Variants in LTBP1 observed in about 807,000 individuals in gnomAD.
LTBP1 encodes latent transforming growth factor beta binding protein 1.
A neutral mutation model predicts 207.6 loss-of-function variants in LTBP1; 129 were observed. The ratio of observed to expected loss-of-function variants is 0.62; its 90% confidence interval spans 0.54 to 0.72. The LOEUF is 0.72. Ranked by LOEUF, LTBP1 falls within the 30% of genes least tolerant of loss-of-function variation. The pLI, the probability that LTBP1 is intolerant of heterozygous loss-of-function variation, is 0.00. For synonymous variants in LTBP1, 963 were observed against 833.7 expected, an observed-to-expected ratio of 1.16 and a Z score of -2.67; for missense variants, 2,281 against 2,217.2, an observed-to-expected ratio of 1.03 and a Z score of -0.58.
At chr2:33,017,770 G>C (rs113448136) in intron 2 of LTBP1, among the ~76,000 whole-genome samples, 7,874 of 152,164 alleles carry the variant, frequency 0.052, 266 homozygotes, top group Non-Finnish European at 0.067. Flanking sequence ...GCACCCACCA[G>C]TACGCCTGGC....
intron 3 of LTBP1, among the ~76,000 whole-genome samples, chr2:33,104,116 T>A (rs2079917093): frequency 6.6e-6 from 1 of 152,224 alleles, no homozygotes; most frequent in East Asian, 1.9e-4. Context: ...TCTCTGCAGG[T>A]CAAATAATGG....
At chr2:33,296,371 T>A (rs2093874872) in intron 20 of LTBP1, among the ~76,000 whole-genome samples, 1 of 152,078 alleles carries the variant, frequency 6.6e-6, no homozygotes, top group East Asian at 1.9e-4. Context: ...CCTGTGAAGA[T>A]TCTTCACAGG....
At chr2:33,093,724 C>T (rs2150056019) in intron 3 of LTBP1, among the ~76,000 whole-genome samples, 1 of 151,960 alleles carries the variant, frequency 6.6e-6, no homozygotes, top group South Asian at 2.1e-4. Flanking sequence ...AAAGAGAAAT[C>T]ATAATTGTGA....
Position 33,021,208 on chromosome 2 carries a change from T to C in LTBP1, c.863+2T>C. The C allele has an allele frequency of 5.1e-6, 8 of 1,579,446 alleles. No homozygotes were observed. Among genetic ancestry groups the C allele is most frequent in the Non-Finnish European group, 6.9e-6 (8 of 1,157,756 alleles). On this transcript the variant is annotated splice_donor_variant, in intron 3 of 33. Coordinates refer to ENST00000404816, the MANE Select transcript of LTBP1 (RefSeq NM_206943.4). LOFTEE classifies it high-confidence loss of function. ...ACTCCCCCAGCAGATACATTCTCAG[T>C]GAGTGTTTCGAACTTTCATTTAGCT... is the stretch of plus-strand genomic sequence containing the variant.
chr2:33,125,181 G>C (rs1171200309), intron 4 of LTBP1, among the ~76,000 whole-genome samples: 2 of 152,184 alleles, frequency 1.3e-5, no homozygotes, highest in Non-Finnish European at 2.9e-5. Flanking sequence ...GTGTAGGAGA[G>C]GCATTGGGGC....
chr2:33,044,672 C>T (rs2076357111), intron 3 of LTBP1, among the ~76,000 whole-genome samples: 1 of 152,188 alleles, frequency 6.6e-6, no homozygotes, highest in African/African-American at 2.4e-5. Flanking sequence ...GTTCTAGATC[C>T]TTGAGGAATT....
At chr2:33,077,797 A>C (rs2078168158) in intron 3 of LTBP1, among the ~76,000 whole-genome samples, 1 of 152,246 alleles carries the variant, frequency 6.6e-6, no homozygotes, top group African/African-American at 2.4e-5. Flanking sequence ...TTGTTAAAGA[A>C]AAATCCTGTT....
intron 2 of LTBP1, among the ~76,000 whole-genome samples, chr2:32,950,554 C>CAAAAA (rs61179206): frequency 8.7e-6 from 1 of 114,914 alleles, no homozygotes; most frequent in African/African-American, 3.4e-5. Flanking sequence ...GACTCTGTCT[C>CAAAAA]AAAAAAAAAA....
chr2:32,957,048 C>G (rs903413017), intron 2 of LTBP1, among the ~76,000 whole-genome samples: 1 of 152,080 alleles, frequency 6.6e-6, no homozygotes, highest in Non-Finnish European at 1.5e-5. Flanking sequence ...GTCATCCAGT[C>G]TTTGTTGTTC....
chr2:33,127,610 A>G (rs2081512570), intron 4 of LTBP1, among the ~76,000 whole-genome samples: 1 of 152,192 alleles, frequency 6.6e-6, no homozygotes, highest in African/African-American at 2.4e-5. Flanking sequence ...GACATTTGTT[A>G]TAGATAGAAA....
intron 4 of LTBP1, among the ~76,000 whole-genome samples, chr2:33,128,167 AC>A (rs1366697098): frequency 6.6e-6 from 1 of 152,174 alleles, no homozygotes; most frequent in African/African-American, 2.4e-5. Flanking sequence ...ATTTAGTCAG[AC>A]ATGCTTCTCC....
rs1325605292 is a variant in LTBP1, at chr2:32,947,536, C to A, written c.212C>A (p.Ala71Asp). The A allele has an allele frequency of 7.2e-7, 1 of 1,388,784 alleles. No homozygotes were observed. Among genetic ancestry groups the A allele is most frequent in the East Asian group, 3.1e-5 (1 of 31,860 alleles). The allele number at this position is 1,388,784 out of a possible 1,614,324, so 86.0% of individuals were successfully genotyped here. A position where few individuals can be genotyped will look rare whatever the true frequency, so the allele number is the denominator to read the frequency against. ...AGCCGCAGCTCGGCGGCTGCCGGCG[C>A]CCCCAGCCGTGCCTCCCCCGGGGTC... ...RYSRSSAAAGAPSRASPGVPS... is the reference protein window; with the variant it reads ...RYSRSSAAAGDPSRASPGVPS... The change falls in exon 1 of 34, where the codon GCC becomes GAC. Residue 71 changes from alanine to aspartate, a missense_variant. By Grantham distance (126) the Ala-to-Asp change is moderately radical. Around this residue, in one of 3 missense-constraint regions of LTBP1, gnomAD observed 555 missense variants for 491.0 expected, o/e 1.13. Transcript: ENST00000404816.
At chr2:33,181,804 A>T (rs751726046) in intron 5 of LTBP1, among the ~76,000 whole-genome samples, 3 of 152,208 alleles carry the variant, frequency 2.0e-5, no homozygotes, top group Non-Finnish European at 2.9e-5. Context: ...TTTCCTCTTG[A>T]TGTTCTGAGG....
intron 2 of LTBP1, among the ~76,000 whole-genome samples, chr2:32,986,110 C>T (rs368897532): frequency 3.3e-5 from 5 of 152,276 alleles, no homozygotes; most frequent in East Asian, 3.9e-4. Flanking sequence ...ATAAATCTCT[C>T]GTGTCTTTCT....
intron 31 of LTBP1, among the ~76,000 whole-genome samples, chr2:33,376,214 TCTC>T (rs1283168667): frequency 6.6e-6 from 1 of 152,166 alleles, no homozygotes; most frequent in East Asian, 1.9e-4. Context: ...CTAATCAAAT[TCTC>T]CTAATCCTCA....
At chr2:33,234,434 A>C (rs1449274375) in intron 9 of LTBP1, among the ~76,000 whole-genome samples, 2 of 152,168 alleles carry the variant, frequency 1.3e-5, no homozygotes, top group Non-Finnish European at 2.9e-5. Context: ...AATAATAGAC[A>C]GACAGAGAGC....
chr2:33,184,134 A>G (rs1034811952), intron 5 of LTBP1, among the ~76,000 whole-genome samples: 1 of 152,068 alleles, frequency 6.6e-6, no homozygotes, highest in Non-Finnish European at 1.5e-5. Context: ...TTGAATTTCA[A>G]TTGCTATAAT....
intron 2 of LTBP1, among the ~76,000 whole-genome samples, chr2:32,968,333 A>T (rs1185087034): frequency 1.3e-5 from 2 of 152,070 alleles, no homozygotes; most frequent in African/African-American, 4.8e-5. Context: ...AGGATTGGTT[A>T]TGTTTTCTTG....
intron 5 of LTBP1, among the ~76,000 whole-genome samples, chr2:33,144,902 C>T (rs1309320085): frequency 6.6e-6 from 1 of 152,098 alleles, no homozygotes; most frequent in Non-Finnish European, 1.5e-5. Flanking sequence ...GAACTAACAT[C>T]ACAAATGATG....
Sources: gnomAD v4.1 joint callset for allele counts (sites outside exome capture counted in the v4.1 genomes callset) on GRCh38, gnomAD v4.1.1 for gene constraint, gnomAD v4.1.1 regional missense constraint, MANE v1.5 for transcripts, NCBI Gene and HGNC (gene_info 2026-07-23, HGNC 2026-07-21) for gene names.